The following SMARCAD1 variants were observed in gnomAD, a reference collection of about 807,000 sequenced individuals.
SMARCAD1 encodes the protein SWI/SNF-related matrix-associated actin-dependent regulator of chromatin subfamily A containing DEAD/H box 1.
In SMARCAD1, 25 loss-of-function variants were observed where a neutral mutation model predicts 127.1. That is an observed-to-expected ratio of 0.20 (90% CI 0.14 to 0.27). SMARCAD1 has a LOEUF of 0.27. Ranked by LOEUF, SMARCAD1 falls within the 10% of genes least tolerant of loss-of-function variation. The probability of loss-of-function intolerance (pLI) is 1.00; values close to 1 mark genes in which losing one functional copy is unlikely to be tolerated. For synonymous variants in SMARCAD1, 400 were observed against 396.9 expected, an observed-to-expected ratio of 1.01 and a Z score of -0.09; for missense variants, 807 against 1,206.0, an observed-to-expected ratio of 0.67 and a Z score of 4.90.
In SMARCAD1 at chr4:94,291,115, C is replaced by A; in HGVS notation, c.*1581C>A. 1 of 450,464 alleles carries A rather than the reference C, an allele frequency of 2.2e-6. No homozygotes were observed. Among genetic ancestry groups the A allele is most frequent in the Non-Finnish European group, 4.4e-6 (1 of 225,898 alleles). The allele number at this position is 450,464 out of a possible 1,614,324, so 27.9% of individuals were successfully genotyped here. ...TTAGGAATTTTACCTTTTAAAATCT[C>A]ATAATGGATATCTCATGTTTTCTGT... On this transcript the variant is annotated 3_prime_UTR_variant, in exon 24 of 24. Transcript: ENST00000354268.
At chr4:94,284,913 A>G (rs554396907) in intron 22 of SMARCAD1, 47 bp from the exon 23 acceptor site, 3 of 1,117,028 alleles carry the variant, frequency 2.7e-6, no homozygotes, top group South Asian at 1.3e-5. Flanking sequence ...ATATATCCAA[A>G]TAACTATATT....
intron 2 of SMARCAD1, 126 bp from the exon 3 acceptor site, chr4:94,225,993 T>G: frequency 1.2e-6 from 1 of 826,640 alleles, no homozygotes; most frequent in South Asian, 1.8e-5. Context: ...TAAAAAGTGG[T>G]GAGAATTTTG....
rs772574476 is a variant in SMARCAD1, at chr4:94,278,531, A to G, written c.2178+14A>G. ...GTAAAAGAAGAGGTAATGCATATCT[A>G]CATGTTTTTTATTTTTATTGTTTTT... On this transcript the variant is annotated intron_variant, in intron 17 of 23. Transcript: ENST00000354268. The G allele has an allele frequency of 6.2e-7, 1 of 1,608,126 alleles. No homozygotes were observed. The highest frequency in any genetic ancestry group is 1.1e-5 in the South Asian group (1 of 90,826).
At chr4:94,268,121 A>C (rs912169147) in intron 10 of SMARCAD1, among the ~76,000 whole-genome samples, 2 of 152,226 alleles carry the variant, frequency 1.3e-5, no homozygotes, top group Non-Finnish European at 2.9e-5. Context: ...ACATATATAC[A>C]CATTAATACT....
intron 3 of SMARCAD1, among the ~76,000 whole-genome samples, chr4:94,227,660 C>T (rs1745232870): frequency 6.6e-6 from 1 of 152,134 alleles, no homozygotes; most frequent in Non-Finnish European, 1.5e-5. Context: ...ACTGTTTCTG[C>T]TGTGGGTGGG....
chr4:94,260,676 G>A (rs1035034029), intron 9 of SMARCAD1, among the ~76,000 whole-genome samples: 3 of 152,108 alleles, frequency 2.0e-5, no homozygotes, highest in African/African-American at 7.2e-5. Flanking sequence ...TGCTTGTTGA[G>A]GAAGTATCTA....
intron 2 of SMARCAD1, among the ~76,000 whole-genome samples, chr4:94,212,370 T>G (rs1742409483): frequency 6.6e-6 from 1 of 152,148 alleles, no homozygotes; most frequent in Admixed American, 6.5e-5. Flanking sequence ...AGACGGCATT[T>G]CGCTATGTTG....
At chr4:94,253,804 C>T (rs535754601) in intron 9 of SMARCAD1, 3 of 660,752 alleles carry the variant, frequency 4.5e-6, no homozygotes, top group African/African-American at 2.0e-5. Flanking sequence ...AATATAAGAA[C>T]TCTTAAATTT....
chr4:94,239,587 T>C (rs1747268825), intron 5 of SMARCAD1, among the ~76,000 whole-genome samples: 1 of 151,886 alleles, frequency 6.6e-6, no homozygotes, highest in Non-Finnish European at 1.5e-5. Context: ...TAATTTTTTA[T>C]TTTGAGACAG....
At chr4:94,248,923 A>G (rs186782486) in intron 6 of SMARCAD1, among the ~76,000 whole-genome samples, 1 of 152,296 alleles carries the variant, frequency 6.6e-6, no homozygotes, top group East Asian at 1.9e-4. Flanking sequence ...TGTGTATAGC[A>G]TGTGGTGCAG....
chr4:94,232,006 C>T (rs1031650167), intron 3 of SMARCAD1, among the ~76,000 whole-genome samples: 7 of 151,942 alleles, frequency 4.6e-5, no homozygotes, highest in African/African-American at 1.2e-4. Context: ...GGATTACAGG[C>T]ACCCGCCACC....
At chr4:94,263,917 GCTAT>G (rs1286067604) in intron 9 of SMARCAD1, among the ~76,000 whole-genome samples, 5 of 151,700 alleles carry the variant, frequency 3.3e-5, no homozygotes, top group African/African-American at 9.7e-5. Context: ...TATATTTTCA[GCTAT>G]CTATCTGAAA....
Position 94,249,665 on chromosome 4 carries a change from A to C in SMARCAD1, c.717A>C (p.Ser239=), listed in dbSNP as rs764838178. The C allele has an allele frequency of 1.4e-5, 22 of 1,594,060 alleles. No homozygotes were observed. In the East Asian group the frequency reaches 1.8e-4, roughly 13 times the overall value. ...TTTCTCCCCATTAGGGAGAGGAATC[A>C]AATGAGTCTGCAGAATCTAGCAGTA... ...KKTRLDHGEE[S]NESAESSSNW... Residue 239 remains serine (S), a synonymous_variant, in exon 7 of 24, where the codon TCA becomes TCC. Coordinates refer to ENST00000354268, the MANE Select transcript of SMARCAD1 (RefSeq NM_020159.5).
At chr4:94,271,248 T>A (rs1180108436) in intron 11 of SMARCAD1, among the ~76,000 whole-genome samples, 1 of 152,198 alleles carries the variant, frequency 6.6e-6, no homozygotes, top group Non-Finnish European at 1.5e-5. Context: ...TCCCTGTCCT[T>A]GTCAGTAAAC....
At chr4:94,235,599 A>G (rs1470289445) in intron 4 of SMARCAD1, among the ~76,000 whole-genome samples, 1 of 150,350 alleles carries the variant, frequency 6.7e-6, no homozygotes, top group Admixed American at 6.6e-5. Flanking sequence ...TCTTGAGTCT[A>G]CATTTTCTCT....
chr4:94,283,137 G>C lies in SMARCAD1; in HGVS notation c.2743G>C (p.Glu915Gln). ...QISERIHLID[E>Q]FNTDMDIFVF... ...ATCTTACAGGATTCATCTAATTGATGAGTTTAATACCGATATGGATATCTT... is the reference window on the plus strand; with the variant it reads ...ATCTTACAGGATTCATCTAATTGATCAGTTTAATACCGATATGGATATCTT... The change falls in exon 22 of 24, where the codon GAG (glutamate) becomes CAG (glutamine). Residue 915 changes from glutamate to glutamine, a missense_variant. Physicochemically the swap from Glu to Gln is conservative, Grantham distance 29. Coordinates refer to ENST00000354268, the MANE Select transcript of SMARCAD1 (RefSeq NM_020159.5). 2 of 1,613,126 alleles carry C rather than the reference G, an allele frequency of 1.2e-6. No individual in the cohort carries two copies. Among genetic ancestry groups the C allele is most frequent in the Non-Finnish European group, 1.7e-6 (2 of 1,179,650 alleles).
chr4:94,219,151 G>A (rs954888406), intron 2 of SMARCAD1, among the ~76,000 whole-genome samples: 2 of 152,138 alleles, frequency 1.3e-5, no homozygotes, highest in Non-Finnish European at 2.9e-5. Flanking sequence ...TATATGATGT[G>A]TTTTAGTTGG....
intron 2 of SMARCAD1, among the ~76,000 whole-genome samples, chr4:94,213,889 C>T (rs547871121): frequency 4.6e-5 from 7 of 152,222 alleles, no homozygotes; most frequent in African/African-American, 1.7e-4. Context: ...AACCCTAGAA[C>T]TTGGGACTCA....
Position 94,236,940 on chromosome 4 carries a change from T to C in SMARCAD1, c.538-12T>C. 6.2e-7 allele frequency: 1 copy of C among 1,608,506 alleles called. No homozygotes were observed. Among genetic ancestry groups the C allele is most frequent in the Non-Finnish European group, 8.5e-7 (1 of 1,175,388 alleles). ...GCTGATTTAAAACATTAATCTTTTC[T>C]CGTTCTGTTAGTTGATTGAATCAAC... is the stretch of plus-strand genomic sequence containing the variant. On this transcript the variant is annotated splice_polypyrimidine_tract_variant and intron_variant, in intron 4 of 23. Coordinates refer to ENST00000354268, the MANE Select transcript of SMARCAD1 (RefSeq NM_020159.5).
Sources: allele counts gnomAD v4.1 joint callset (sites outside exome capture counted in the v4.1 genomes callset), GRCh38; gene constraint gnomAD v4.1.1; transcripts MANE v1.5; gene names NCBI Gene and HGNC (gene_info 2026-07-23, HGNC 2026-07-21).